Variants in TTC7A observed in about 807,000 individuals in gnomAD.
TTC7A encodes the protein tetratricopeptide repeat protein 7A.
A neutral mutation model predicts 103.7 loss-of-function variants in TTC7A; 110 were observed. The observed-to-expected ratio is 1.06, with a 90% CI of 0.91 to 1.24. TTC7A has a LOEUF of 1.24. Ranked by LOEUF, TTC7A falls within the 50% of genes most tolerant of loss-of-function variation. The pLI is 0.00. For missense variants in TTC7A, 1,340 were observed against 1,116.3 expected (o/e 1.20, Z -2.86); for synonymous variants, 521 against 467.9 (o/e 1.11, Z -1.47).
At chr2:46,997,759 G>C (rs1676363295) in intron 8 of TTC7A, among the ~76,000 whole-genome samples, 1 of 152,178 alleles carries the variant, frequency 6.6e-6, no homozygotes, top group African/African-American at 2.4e-5. Flanking sequence ...GGACAAGCCT[G>C]TCAGGGTGAG....
chr2:47,012,242 T>C (rs1044566056), intron 11 of TTC7A, among the ~76,000 whole-genome samples: 1 of 152,248 alleles, frequency 6.6e-6, no homozygotes, highest in African/African-American at 2.4e-5. Flanking sequence ...GGGGGCCCAC[T>C]TCTGGATAAT....
At position 47,049,698 on chromosome 2, in the gene TTC7A, T is replaced by C. The variant is rs546236015; in HGVS notation, c.1920-251T>C. On this transcript the variant is annotated intron_variant, in intron 16 of 19. Coordinates refer to ENST00000319190, the MANE Select transcript of TTC7A (RefSeq NM_020458.4). ...GCCTTACCCACTTCAGAGAAGATAG[T>C]AGGGAGTGTGGGAGAGTTTCCAGGT... 2.6e-5 allele frequency among the ~76,000 whole-genome samples: 4 copies of C among 152,120 alleles called. No homozygotes were observed. In the South Asian group the frequency reaches 6.2e-4, roughly 24 times the overall value.
Position 47,035,048 on chromosome 2 carries a change from G to T in TTC7A, c.1802+5664G>T, listed in dbSNP as rs555274426. Among the ~76,000 whole-genome samples the T allele has an allele frequency of 2.1e-4, 32 of 152,318 alleles. No homozygotes were observed. The East Asian group carries it at 4.4e-3, about 21-fold the overall frequency. ...GCTAAGGCTAACGTTGGAGCTCAAG[G>T]GCACTCCTGGGATCTACCTGGTGTG... On this transcript the variant is annotated intron_variant, in intron 15 of 19. Coordinates refer to ENST00000319190, the MANE Select transcript of TTC7A (RefSeq NM_020458.4).
rs1037904259 is a variant in TTC7A, at chr2:47,062,692, T to G, written c.2355+1721T>G. Among the ~76,000 whole-genome samples, 4 of 152,352 alleles carry G rather than the reference T, an allele frequency of 2.6e-5. No homozygotes were observed. The South Asian group carries it at 8.3e-4, about 32-fold the overall frequency. ...AACAGAATCCAATAACAAGTACAAT[T>G]TGGAAGTAACAGTGTACCATTTTTC... On this transcript the variant is annotated intron_variant, in intron 19 of 19. Transcript: ENST00000319190.
chr2:46,953,098 T>A (rs1686274190), intron 2 of TTC7A, among the ~76,000 whole-genome samples: 1 of 152,224 alleles, frequency 6.6e-6, no homozygotes, highest in South Asian at 2.1e-4. Flanking sequence ...TTTACTGTTA[T>A]CCAGGCCAGA....
chr2:47,048,751 C>G (rs570567411), intron 16 of TTC7A, among the ~76,000 whole-genome samples: 67 of 152,090 alleles, frequency 4.4e-4, no homozygotes, highest in African/African-American at 1.6e-3. Flanking sequence ...TGCAGGCACC[C>G]ACGACCATGT....
At chr2:47,042,309 C>G (rs1681837193) in intron 15 of TTC7A, among the ~76,000 whole-genome samples, 1 of 152,076 alleles carries the variant, frequency 6.6e-6, no homozygotes, top group South Asian at 2.1e-4. Flanking sequence ...TGAGACCAGC[C>G]TAGGCAACAT....
At chr2:46,954,806 G>A (rs544690298) in intron 2 of TTC7A, among the ~76,000 whole-genome samples, 1 of 152,084 alleles carries the variant, frequency 6.6e-6, no homozygotes, top group Admixed American at 6.5e-5. Context: ...CCTGATCTTA[G>A]GTGATCTGCC....
chr2:47,000,032 C>T (rs749806684), intron 8 of TTC7A: 4 of 385,090 alleles, frequency 1.0e-5, no homozygotes, highest in South Asian at 1.1e-4. Flanking sequence ...CCCTGAGCCT[C>T]GGTTTTCTCA....
chr2:46,972,814 T>C (rs899840201), intron 3 of TTC7A, among the ~76,000 whole-genome samples: 5 of 152,142 alleles, frequency 3.3e-5, no homozygotes, highest in African/African-American at 1.2e-4. Context: ...TGTTCTAGGG[T>C]TGTGGTTGTC....
intron 11 of TTC7A, among the ~76,000 whole-genome samples, chr2:47,015,153 C>T (rs1327547574): frequency 1.3e-5 from 2 of 152,358 alleles, no homozygotes; most frequent in Non-Finnish European, 2.9e-5. Context: ...GCACTGAAAT[C>T]AGAGAGGCCT....
chr2:47,065,503 A>G (rs921590480), intron 19 of TTC7A, among the ~76,000 whole-genome samples: 8 of 152,342 alleles, frequency 5.3e-5, no homozygotes, highest in African/African-American at 1.9e-4. Context: ...CTCCAGGCTG[A>G]TAAGGTTCTA....
chr2:46,932,935 T>C (rs13389626), intron 2 of TTC7A, among the ~76,000 whole-genome samples: 185 of 150,740 alleles, frequency 1.2e-3, no homozygotes, highest in Non-Finnish European at 2.1e-3. Flanking sequence ...AGCAAAGATA[T>C]ATTTTAAGGC....
chr2:47,006,455 A>C (rs1677399469), intron 9 of TTC7A, among the ~76,000 whole-genome samples, 186 bp from the exon 10 acceptor site: 2 of 152,142 alleles, frequency 1.3e-5, no homozygotes, highest in South Asian at 4.1e-4. Context: ...GAGAGACTTG[A>C]GTAGGGTCAC....
intron 15 of TTC7A, among the ~76,000 whole-genome samples, chr2:47,032,750 T>A (rs1680692552): frequency 6.6e-6 from 1 of 150,866 alleles, no homozygotes. Context: ...CCCGAGGAGC[T>A]CTGTTTTGAT....
intron 14 of TTC7A, among the ~76,000 whole-genome samples, chr2:47,024,762 A>G (rs963350726): frequency 1.3e-5 from 2 of 151,240 alleles, no homozygotes; most frequent in Admixed American, 6.6e-5. Context: ...CCCCCAAGCT[A>G]CTCCTTCACT....
intron 2 of TTC7A, among the ~76,000 whole-genome samples, chr2:46,953,687 T>C (rs1362505203): frequency 1.3e-5 from 2 of 152,164 alleles, no homozygotes; most frequent in African/African-American, 4.8e-5. Context: ...TGGAGATCAG[T>C]GAAAACAAGC....
At chr2:47,065,001 T>G (rs527492549) in intron 19 of TTC7A, among the ~76,000 whole-genome samples, 10 of 152,194 alleles carry the variant, frequency 6.6e-5, no homozygotes, top group Non-Finnish European at 1.2e-4. Flanking sequence ...AAGAAGTAGC[T>G]TAGAGGCCCA....
chr2:46,982,533 A>T (rs374103845), intron 5 of TTC7A, among the ~76,000 whole-genome samples: 2 of 152,228 alleles, frequency 1.3e-5, no homozygotes, highest in African/African-American at 4.8e-5. Context: ...CTGTGTGTGC[A>T]TGGGCAAGTC....
Sources: allele counts gnomAD v4.1 joint callset (sites outside exome capture counted in the v4.1 genomes callset), GRCh38; gene constraint gnomAD v4.1.1; transcripts MANE v1.5; gene names NCBI Gene and HGNC (gene_info 2026-07-23, HGNC 2026-07-21).